The following ABCG8 variants were observed in gnomAD, a reference collection of about 807,000 sequenced individuals.
ABCG8 encodes ATP binding cassette subfamily G member 8, also known as ATP-binding cassette sub-family G member 8.
In ABCG8, 81 loss-of-function variants were observed where a neutral mutation model predicts 71.3. The observed-to-expected ratio is 1.14, with a 90% CI of 0.95 to 1.37. The LOEUF (loss-of-function observed/expected upper bound fraction) is 1.37. ABCG8 is among the 40% of genes most tolerant of loss of function. ABCG8 has a pLI of 0.00. For missense variants in ABCG8, 1,119 were observed against 866.2 expected, an observed-to-expected ratio of 1.29 and a Z score of -3.66; for synonymous variants, 451 against 354.7, an observed-to-expected ratio of 1.27 and a Z score of -3.05.
intron 9 of ABCG8, 52 bp downstream of exon 9, chr2:43,874,038 T>C (rs1181556045): frequency 1.3e-6 from 2 of 1,586,994 alleles, no homozygotes; most frequent in African/African-American, 2.7e-5. Context: ...ACCTCCAAGC[T>C]GTGTTCCTCT....
chr2:43,874,579 T>A (rs1669897097), intron 10 of ABCG8, 96 bp downstream of exon 10: 1 of 990,388 alleles, frequency 1.0e-6, no homozygotes. Context: ...TTCTGAACCA[T>A]GGGGCCGTGG....
chr2:43,874,308 T>G (rs910521959), intron 9 of ABCG8, 99 bp from the exon 10 acceptor site: 3 of 1,081,454 alleles, frequency 2.8e-6, no homozygotes, highest in African/African-American at 1.6e-5. Context: ...TTGGGCAATA[T>G]GATAACTACT....
intron 11 of ABCG8, among the ~76,000 whole-genome samples, chr2:43,876,849 C>T (rs1183892598): frequency 2.3e-5 from 3 of 129,080 alleles, no homozygotes; most frequent in East Asian, 2.4e-4. Flanking sequence ...TAAAGGAGAT[C>T]GTCGGAATAT....
In ABCG8 at chr2:43,851,738, C is replaced by T; in HGVS notation, c.477C>T (p.Pro159=). The T allele has an allele frequency of 6.2e-7, 1 of 1,614,254 alleles. No individual in the cohort carries two copies. Among genetic ancestry groups the T allele is most frequent in the Non-Finnish European group, 8.5e-7 (1 of 1,180,040 alleles). ...AHVRQHNQLL[P]NLTVRETLAF... Reference sequence around the variant, plus strand: ...TGCGCCAGCACAACCAGCTGCTCCCCAACTTGACTGTGCGAGAGACCTTGG... The same window carrying T: ...TGCGCCAGCACAACCAGCTGCTCCCTAACTTGACTGTGCGAGAGACCTTGG... The change falls in exon 4 of 13, where the codon CCC becomes CCT. Residue 159 remains proline (P), a synonymous_variant. Coordinates refer to ENST00000272286, the MANE Select transcript of ABCG8 (RefSeq NM_022437.3).
At chr2:43,864,911 G>T (rs1669467941) in intron 6 of ABCG8, among the ~76,000 whole-genome samples, 1 of 141,236 alleles carries the variant, frequency 7.1e-6, no homozygotes, top group African/African-American at 2.7e-5. Flanking sequence ...TATCTGGATA[G>T]AATTGTAACT....
chr2:43,864,826 A>G (rs797006662), intron 6 of ABCG8, among the ~76,000 whole-genome samples: 2 of 139,652 alleles, frequency 1.4e-5, no homozygotes, highest in African/African-American at 5.4e-5. Context: ...CTATCTAGAT[A>G]GAATACTCAC....
intron 1 of ABCG8, among the ~76,000 whole-genome samples, chr2:43,842,702 T>C (rs1422693381): frequency 2.0e-5 from 3 of 152,264 alleles, no homozygotes; most frequent in Middle Eastern, 3.4e-3. Context: ...GCACTCCTAC[T>C]GTGTCCCCTT....
At position 43,852,456 on chromosome 2, in the gene ABCG8, A is replaced by G; in HGVS notation, c.664A>G (p.Ser222Gly). 1 of 1,613,256 alleles carries G rather than the reference A, an allele frequency of 6.2e-7. No homozygotes were observed. The highest frequency in any genetic ancestry group is 8.5e-7 in the Non-Finnish European group (1 of 1,179,976). Residue 222 changes from serine (S) to glycine (G), a missense_variant, in exon 5 of 13, where the codon AGC becomes GGC. Physicochemically the swap from Ser to Gly is moderately conservative, Grantham distance 56 (BLOSUM62 0). Coordinates refer to ENST00000272286, the MANE Select transcript of ABCG8 (RefSeq NM_022437.3). ...GTCGGGGGGTGAGCGCAGGAGAGTCAGCATTGGGGTGCAGCTCCTGTGGAA... is the reference window on the plus strand; with the variant it reads ...GTCGGGGGGTGAGCGCAGGAGAGTCGGCATTGGGGTGCAGCTCCTGTGGAA... ...GLSGGERRRV[S>G]IGVQLLWNPG...
At chr2:43,848,078 T>G (rs17424122) in intron 3 of ABCG8, 1 of 152,078 alleles carries the variant, frequency 6.6e-6, no homozygotes, top group African/African-American at 2.4e-5. Flanking sequence ...CCTGGTTGTT[T>G]ATAGATTCAG....
chr2:43,864,880 C>T (rs1022100754), intron 6 of ABCG8, among the ~76,000 whole-genome samples: 1 of 151,984 alleles, frequency 6.6e-6, no homozygotes, highest in Non-Finnish European at 1.5e-5. Flanking sequence ...GGAATTCTCA[C>T]TCTCTGGATA....
At chr2:43,860,426 T>C (rs1669270311) in intron 6 of ABCG8, among the ~76,000 whole-genome samples, 1 of 151,256 alleles carries the variant, frequency 6.6e-6, no homozygotes, top group South Asian at 2.1e-4. Flanking sequence ...TGGATAGAAC[T>C]CTCACTATCT....
intron 6 of ABCG8, among the ~76,000 whole-genome samples, chr2:43,866,414 C>T (rs1192778208): frequency 2.0e-5 from 3 of 151,964 alleles, no homozygotes. Context: ...AGGCAACCCA[C>T]AAAATAGGAA....
At chr2:43,851,867 C>T (rs773802229) in intron 4 of ABCG8, 45 bp downstream of exon 4, 35 of 1,591,378 alleles carry the variant, frequency 2.2e-5, no homozygotes, top group Non-Finnish European at 1.7e-5. Context: ...CAAGAAGCTA[C>T]AGTGTCCATG....
chr2:43,862,314 A>G (rs567507016), intron 6 of ABCG8, among the ~76,000 whole-genome samples: 3 of 147,804 alleles, frequency 2.0e-5, no homozygotes, highest in Admixed American at 2.0e-4. Flanking sequence ...AACTCTCACT[A>G]TCTATCTGGA....
intron 6 of ABCG8, among the ~76,000 whole-genome samples, chr2:43,863,737 A>G (rs1171326202): frequency 6.6e-6 from 1 of 150,860 alleles, no homozygotes; most frequent in East Asian, 2.0e-4. Flanking sequence ...TAGAACTCTC[A>G]CTATCTGTCT....
At chr2:43,854,640 A>AAG (rs1553378833) in intron 6 of ABCG8, among the ~76,000 whole-genome samples, 2 of 151,004 alleles carry the variant, frequency 1.3e-5, no homozygotes, top group African/African-American at 4.9e-5. Context: ...AAAAAAAAAA[A>AAG]AAAAAGGATA....
At chr2:43,851,849 C>T (rs1364393233) in intron 4 of ABCG8, 27 bp downstream of exon 4, 19 of 1,611,370 alleles carry the variant, frequency 1.2e-5, no homozygotes, top group African/African-American at 2.7e-5. Flanking sequence ...AGTGGTGACC[C>T]CCAGGTCCAA....
chr2:43,846,284 C>G lies in ABCG8; in HGVS notation c.295C>G (p.Gln99Glu). 6.2e-7 allele frequency: 1 copy of G among 1,614,186 alleles called. No individual in the cohort carries two copies. The highest frequency in any genetic ancestry group is 8.5e-7 in the Non-Finnish European group (1 of 1,180,032). Reference sequence around the variant, plus strand: ...CCTAAGCTTCAAAGTGAGAAGTGGGCAGATGCTGGCCATCATAGGGAGCTC... The same window carrying G: ...CCTAAGCTTCAAAGTGAGAAGTGGGGAGATGCTGGCCATCATAGGGAGCTC... ...QNLSFKVRSGQMLAIIGSSGC... is the reference protein window; with the variant it reads ...QNLSFKVRSGEMLAIIGSSGC... The change falls in exon 3 of 13, where the codon CAG becomes GAG. Residue 99 changes from glutamine to glutamate, a missense_variant. Coordinates refer to ENST00000272286, the MANE Select transcript of ABCG8 (RefSeq NM_022437.3).
rs767221496 is a variant in ABCG8, at chr2:43,875,202, C to T, written c.1545C>T (p.Thr515=). 1.2e-6 allele frequency: 2 copies of T among 1,614,254 alleles called. No homozygotes were observed. Among genetic ancestry groups the T allele is most frequent in the Non-Finnish European group, 1.7e-6 (2 of 1,180,048 alleles). Residue 515 remains threonine, a synonymous_variant, in exon 11 of 13, where the codon ACC becomes ACT. Transcript: ENST00000272286. ...CAYIIIYGMP[T]YWLANLRPGL... is the part of the protein sequence containing the mutation. ...ACATCATCATCTACGGGATGCCCAC[C>T]TACTGGCTGGCCAACCTGAGGCCAG...
Sources: allele counts gnomAD v4.1 joint callset (sites outside exome capture counted in the v4.1 genomes callset), GRCh38; gene constraint gnomAD v4.1.1; transcripts MANE v1.5; gene names NCBI Gene and HGNC (gene_info 2026-07-23, HGNC 2026-07-21).